STXBP5: variants seen among roughly 807,000 people sequenced by gnomAD.
The protein encoded by STXBP5 is syntaxin binding protein 5.
In STXBP5, 50 loss-of-function variants were observed where a neutral mutation model predicts 152.4. The ratio of observed to expected loss-of-function variants is 0.33; its 90% CI spans 0.26 to 0.42. STXBP5 has a LOEUF of 0.42. STXBP5 is among the 10% of genes least tolerant of loss of function. STXBP5 has a pLI of 1.00. For synonymous variants in STXBP5, 492 were observed against 494.7 expected (o/e 0.99, Z 0.07); for missense variants, 1,167 against 1,388.6 (o/e 0.84, Z 2.54).
intron 26 of STXBP5, among the ~76,000 whole-genome samples, chr6:147,377,814 G>GT (rs1366488642): frequency 1.3e-5 from 2 of 151,976 alleles, no homozygotes; most frequent in Non-Finnish European, 2.9e-5. Context: ...TAACTGTTGA[G>GT]TGTATAACAA....
intron 19 of STXBP5, among the ~76,000 whole-genome samples, chr6:147,337,214 C>CACACACACGCACACACACAA (rs150169446): frequency 6.8e-6 from 1 of 147,270 alleles, no homozygotes; most frequent in South Asian, 2.1e-4. Flanking sequence ...CACACACACA[C>CACACACACGCACACACACAA]AAGAAGTCAT....
intron 25 of STXBP5, among the ~76,000 whole-genome samples, chr6:147,372,104 A>T (rs1234452984): frequency 5.3e-5 from 8 of 152,138 alleles, no homozygotes; most frequent in Admixed American, 3.9e-4. Context: ...TTCCAGGTTT[A>T]CTACACTTTA....
intron 8 of STXBP5, among the ~76,000 whole-genome samples, chr6:147,282,564 T>C (rs117810535): frequency 0.035 from 5,390 of 152,314 alleles, 146 homozygotes; most frequent in Admixed American, 0.054. Context: ...TTCCATATAA[T>C]GACTCTGCGG....
chr6:147,321,626 A>G (rs1782940231), intron 16 of STXBP5, among the ~76,000 whole-genome samples: 1 of 152,216 alleles, frequency 6.6e-6, no homozygotes, highest in Non-Finnish European at 1.5e-5. Context: ...TCTTTTAGCA[A>G]TGAAATTTTA....
chr6:147,226,743 CCTAA>C (rs1307623116), intron 2 of STXBP5, among the ~76,000 whole-genome samples: 3 of 152,126 alleles, frequency 2.0e-5, no homozygotes, highest in Non-Finnish European at 4.4e-5. Flanking sequence ...TAACTGAAGA[CCTAA>C]CTGTTATATT....
chr6:147,326,806 C>T (rs1339291770), intron 17 of STXBP5, among the ~76,000 whole-genome samples: 1 of 152,058 alleles, frequency 6.6e-6, no homozygotes, highest in African/African-American at 2.4e-5. Context: ...CTCAAAATGC[C>T]CCCAAGGTAG....
At chr6:147,383,064 T>C in intron 27 of STXBP5, 66 bp downstream of exon 27, 2 of 1,522,204 alleles carry the variant, frequency 1.3e-6, no homozygotes, top group Non-Finnish European at 1.8e-6. Context: ...TGTTACTTTA[T>C]TTTTATAGCT....
At chr6:147,315,820 G>A (rs1782614293) in intron 15 of STXBP5, 85 bp downstream of exon 15, 7 of 1,282,414 alleles carry the variant, frequency 5.5e-6, no homozygotes, top group Non-Finnish European at 7.8e-6. Flanking sequence ...ACTTTTTGCA[G>A]TCAGTTTTGT....
At position 147,204,833 on chromosome 6, in the gene STXBP5, A is replaced by G. The variant is rs1776456738; in HGVS notation, c.150+151A>G. ...TAAAAGGCTCGCTCCTCCCTTGGCA[A>G]ACGTTTCTTCGGTGGGTTGTTTTGG... On this transcript the variant is annotated intron_variant, in intron 1 of 27. Coordinates refer to ENST00000321680, the MANE Select transcript of STXBP5 (RefSeq NM_001127715.4). The surrounding 1 kb of genome is among the most constrained non-coding windows in gnomAD (Gnocchi z 4.3). 3 of 925,766 alleles carry G rather than the reference A, an allele frequency of 3.2e-6. No individual in the cohort carries two copies. The highest frequency in any genetic ancestry group is 3.1e-5 in the East Asian group (1 of 31,762). The allele number at this position is 925,766 out of a possible 1,614,324, so 57.3% of individuals were successfully genotyped here. A position where few individuals can be genotyped will look rare whatever the true frequency, so the allele number is the denominator to read the frequency against.
chr6:147,379,807 G>C (rs935424214), intron 26 of STXBP5, among the ~76,000 whole-genome samples: 1 of 151,958 alleles, frequency 6.6e-6, no homozygotes, highest in African/African-American at 2.4e-5. Context: ...CAGGATACAA[G>C]ATCAATATAG....
At chr6:147,279,520 CTG>C (rs1780601839) in intron 8 of STXBP5, among the ~76,000 whole-genome samples, 1 of 152,146 alleles carries the variant, frequency 6.6e-6, no homozygotes, top group South Asian at 2.1e-4. Context: ...TTTTATCTAT[CTG>C]TGGCATATGG....
intron 9 of STXBP5, among the ~76,000 whole-genome samples, chr6:147,291,445 G>A (rs552187349): frequency 6.6e-6 from 1 of 152,176 alleles, no homozygotes; most frequent in East Asian, 1.9e-4. Context: ...TCAGTCTTCA[G>A]TAGCAATAGT....
At chr6:147,364,271 G>A in intron 25 of STXBP5, 105 bp downstream of exon 25, 1 of 1,044,802 alleles carries the variant, frequency 9.6e-7, no homozygotes, top group Non-Finnish European at 1.3e-6. Flanking sequence ...AAGTGAGCCT[G>A]CTTGGGAAAA....
intron 22 of STXBP5, among the ~76,000 whole-genome samples, chr6:147,357,473 T>C (rs1189930909): frequency 6.6e-6 from 1 of 152,140 alleles, no homozygotes; most frequent in South Asian, 2.1e-4. Context: ...AAAACTTGAG[T>C]AAGATTATAA....
At chr6:147,250,255 C>T (rs564381236) in intron 4 of STXBP5, among the ~76,000 whole-genome samples, 53 of 152,208 alleles carry the variant, frequency 3.5e-4, no homozygotes, top group Admixed American at 7.8e-4. Flanking sequence ...TTTGCCACAA[C>T]GAATTTCAAG....
intron 14 of STXBP5, 112 bp downstream of exon 14, chr6:147,314,748 T>C (rs1356375164): frequency 2.8e-6 from 2 of 718,148 alleles, no homozygotes; most frequent in East Asian, 6.0e-5. Flanking sequence ...GTAGAGGTTA[T>C]AAATTTAATG....
intron 9 of STXBP5, chr6:147,292,240 C>T (rs776493366): frequency 6.6e-6 from 3 of 452,036 alleles, no homozygotes; most frequent in South Asian, 1.6e-5. Flanking sequence ...CTTTTCCTTC[C>T]TTCTTTTTAG....
chr6:147,230,217 G>C (rs977357397), intron 2 of STXBP5, among the ~76,000 whole-genome samples: 1 of 151,830 alleles, frequency 6.6e-6, no homozygotes, highest in African/African-American at 2.4e-5. Context: ...ATTTTGCCAA[G>C]TATTGGTCCT....
At position 147,378,012 on chromosome 6, in the gene STXBP5, T is replaced by G. The variant is rs1013241793; in HGVS notation, c.3193+4170T>G. On this transcript the variant is annotated intron_variant, in intron 26 of 27. Coordinates refer to ENST00000321680, the MANE Select transcript of STXBP5 (RefSeq NM_001127715.4). The stretch of plus-strand genomic sequence containing the variant: ...CGGAATTTAATTGTTTTACCAATTA[T>G]AACAATGAAAGTCGACAAAAAGCTA... 5.9e-5 allele frequency among the ~76,000 whole-genome samples: 9 copies of G among 152,306 alleles called. No individual in the cohort carries two copies. The East Asian group carries it at 1.4e-3, about 23-fold the overall frequency.
Sources: gnomAD v4.1 joint callset for allele counts (sites outside exome capture counted in the v4.1 genomes callset) on GRCh38, gnomAD v4.1.1 for gene constraint, Gnocchi (gnomAD v3.1) non-coding constraint, MANE v1.5 for transcripts, NCBI Gene and HGNC (gene_info 2026-07-23, HGNC 2026-07-21) for gene names.